Variants in FBXL2 observed in about 807,000 individuals in gnomAD.
FBXL2 encodes the protein F-box/LRR-repeat protein 2.
In FBXL2, 38 loss-of-function variants were observed where a neutral mutation model predicts 69.2. That is an observed-to-expected ratio of 0.55 (90% confidence interval 0.42 to 0.72). The LOEUF is 0.72. Ranked by LOEUF, FBXL2 falls within the 30% of genes least tolerant of loss-of-function variation. The pLI is 0.00. For synonymous variants in FBXL2, 192 were observed against 201.3 expected (o/e 0.95, Z 0.39); for missense variants, 354 against 520.3 (o/e 0.68, Z 3.11).
At chr3:33,349,043 G>A (rs1332304127) in intron 2 of FBXL2, among the ~76,000 whole-genome samples, 1 of 152,072 alleles carries the variant, frequency 6.6e-6, no homozygotes, top group Non-Finnish European at 1.5e-5. Flanking sequence ...CCAAATATAA[G>A]ATCATATCAT....
intron 9 of FBXL2, 134 bp downstream of exon 9, chr3:33,374,055 C>T (rs1575387752): frequency 2.8e-6 from 2 of 704,942 alleles, no homozygotes; most frequent in East Asian, 2.6e-5. Context: ...ATCCTGTGTC[C>T]TTATATAACC....
At chr3:33,383,228 T>C (rs6771847) in intron 13 of FBXL2, 39,429 of 152,234 alleles carry the variant, frequency 0.26, 6,054 homozygotes, top group East Asian at 0.48. Context: ...ACTCATTTAT[T>C]TGAAGGAACA....
chr3:33,409,355 C>CA, the FBXL2 span: 9 of 1,614,036 alleles, frequency 5.6e-6, no homozygotes, highest in African/African-American at 1.1e-4. Flanking sequence ...GGCTTAAAAA[C>CA]AAAGTATACT....
intron 9 of FBXL2, among the ~76,000 whole-genome samples, chr3:33,375,053 T>G (rs904597449): frequency 5.3e-5 from 8 of 152,176 alleles, no homozygotes; most frequent in Non-Finnish European, 1.0e-4. Context: ...TATTTAAAAT[T>G]TTTACTTTAT....
At chr3:33,374,202 A>C (rs1260298024) in intron 9 of FBXL2, among the ~76,000 whole-genome samples, 1 of 152,262 alleles carries the variant, frequency 6.6e-6, no homozygotes, top group Non-Finnish European at 1.5e-5. Flanking sequence ...GACGCTATTG[A>C]GGAATGCAGT....
At chr3:33,417,723 T>C in the FBXL2 span, among the ~76,000 whole-genome samples, 1 of 152,150 alleles carries the variant, frequency 6.6e-6, no homozygotes, top group African/African-American at 2.4e-5. Context: ...ATAATAAAAA[T>C]GACAGTATAA....
intron 9 of FBXL2, among the ~76,000 whole-genome samples, chr3:33,374,566 T>TG (rs1342929069): frequency 6.6e-6 from 1 of 152,088 alleles, no homozygotes; most frequent in Non-Finnish European, 1.5e-5. Flanking sequence ...TCCCTAGTGG[T>TG]GGGGAAAAAA....
downstream of FBXL2, among the ~76,000 whole-genome samples, chr3:33,404,462 A>T (rs2044360519): frequency 2.0e-5 from 3 of 150,130 alleles, 1 homozygote; most frequent in South Asian, 6.3e-4. Context: ...ACTCTCCCAA[A>T]GCCAAGCTAA....
intron 4 of FBXL2, among the ~76,000 whole-genome samples, chr3:33,361,766 T>A (rs2041646269): frequency 6.6e-6 from 1 of 152,174 alleles, no homozygotes; most frequent in Admixed American, 6.5e-5. Context: ...AACACTTAGC[T>A]TCCCTTTTGG....
chr3:33,382,377 C>A (rs1444638457), intron 13 of FBXL2, among the ~76,000 whole-genome samples: 1 of 152,156 alleles, frequency 6.6e-6, no homozygotes, highest in Non-Finnish European at 1.5e-5. Flanking sequence ...CCCGGAAAGG[C>A]CCTTTCTGCT....
In FBXL2 at chr3:33,373,563, T is replaced by C. The variant is rs2042437235; in HGVS notation, c.456-15T>C. The C allele has an allele frequency of 6.2e-7, 1 of 1,614,014 alleles. No homozygotes were observed. The highest frequency in any genetic ancestry group is 8.5e-7 in the Non-Finnish European group (1 of 1,180,028). On this transcript the variant is annotated splice_polypyrimidine_tract_variant and intron_variant, in intron 7 of 14. Coordinates refer to ENST00000484457, the MANE Select transcript of FBXL2 (RefSeq NM_012157.5). ...GGAGAGACTGCACATAAGTTTTTGT[T>C]TCTTGTTCTCTCAGTGAGGGCTGCC...
chr3:33,371,702 C>T (rs1196147608), intron 5 of FBXL2, among the ~76,000 whole-genome samples: 1 of 151,844 alleles, frequency 6.6e-6, no homozygotes, highest in Admixed American at 6.6e-5. Context: ...ATTTTTTGTT[C>T]AATGCCAGAC....
At chr3:33,324,895 G>A (rs2038561026) in intron 2 of FBXL2, among the ~76,000 whole-genome samples, 1 of 152,184 alleles carries the variant, frequency 6.6e-6, no homozygotes, top group South Asian at 2.1e-4. Flanking sequence ...ACTGTGGGCA[G>A]TATGGCCATT....
intron 2 of FBXL2, among the ~76,000 whole-genome samples, chr3:33,342,928 G>T: frequency 7.5e-6 from 1 of 133,574 alleles, no homozygotes; most frequent in South Asian, 2.4e-4. Flanking sequence ...TTTTAGTAGA[G>T]ACGGGGTTTC....
chr3:33,395,543 A>C (rs1171164752), intron 12 of FBXL2, among the ~76,000 whole-genome samples: 1 of 152,110 alleles, frequency 6.6e-6, no homozygotes, highest in Non-Finnish European at 1.5e-5. Flanking sequence ...TTAAATGCTC[A>C]GGATGAGAAG....
At chr3:33,335,875 T>A (rs563244848) in intron 2 of FBXL2, among the ~76,000 whole-genome samples, 1 of 152,240 alleles carries the variant, frequency 6.6e-6, no homozygotes, top group African/African-American at 2.4e-5. Context: ...GGGAGATAAT[T>A]TTGTGCTATT....
At chr3:33,399,663 G>T (rs1221509908) in intron 12 of FBXL2, among the ~76,000 whole-genome samples, 1 of 152,172 alleles carries the variant, frequency 6.6e-6, no homozygotes, top group Non-Finnish European at 1.5e-5. Flanking sequence ...AAGGGTGTGG[G>T]TGTGACTCCG....
chr3:33,393,987 T>C (rs1000368040), intron 12 of FBXL2, among the ~76,000 whole-genome samples: 6 of 152,018 alleles, frequency 3.9e-5, no homozygotes, highest in Non-Finnish European at 8.8e-5. Flanking sequence ...TCTAGCAATA[T>C]ACAAAAAGAA....
chr3:33,316,313 C>T (rs1027244182), intron 2 of FBXL2, among the ~76,000 whole-genome samples: 2 of 152,090 alleles, frequency 1.3e-5, no homozygotes, highest in Admixed American at 6.6e-5. Flanking sequence ...CCCACCTCAG[C>T]CTCCCAAAGT....
Sources: allele counts gnomAD v4.1 joint callset (sites outside exome capture counted in the v4.1 genomes callset), GRCh38; gene constraint gnomAD v4.1.1; transcripts MANE v1.5; gene names NCBI Gene and HGNC (gene_info 2026-07-23, HGNC 2026-07-21).